STAB2: variants seen among roughly 807,000 people sequenced by gnomAD.
The protein encoded by STAB2 is stabilin 2.
A neutral mutation model predicts 338.1 loss-of-function variants in STAB2; 288 were observed. The observed-to-expected ratio is 0.85, with a 90% CI of 0.77 to 0.94. The LOEUF (loss-of-function observed/expected upper bound fraction) is 0.94, where lower values mean the gene tolerates loss of function less well. STAB2 is among the 40% of genes least tolerant of loss of function. The probability of loss-of-function intolerance (pLI) is 0.00; values close to 1 mark genes in which losing one functional copy is unlikely to be tolerated. For missense variants in STAB2, 3,141 were observed against 3,210.1 expected (o/e 0.98, Z 0.52); for synonymous variants, 1,202 against 1,193.3 (o/e 1.01, Z -0.15).
chr12:103,625,708 A>G (rs566187367), intron 5 of STAB2, among the ~76,000 whole-genome samples: 2 of 152,354 alleles, frequency 1.3e-5, no homozygotes, highest in Admixed American at 6.5e-5. Flanking sequence ...TTATGGCTGC[A>G]TAGTATTCCA....
intron 63 of STAB2, among the ~76,000 whole-genome samples, chr12:103,756,581 C>CA (rs1884117388): frequency 6.6e-6 from 1 of 152,230 alleles, no homozygotes; most frequent in Non-Finnish European, 1.5e-5. Context: ...GCCAAGGACA[C>CA]AGCCTAACTC....
At chr12:103,748,925 A>C in intron 58 of STAB2, 38 bp from the exon 59 acceptor site, 1 of 1,585,946 alleles carries the variant, frequency 6.3e-7, no homozygotes, top group South Asian at 1.2e-5. Context: ...GTTCCACAGA[A>C]GGTGGTAAGT....
At chr12:103,736,079 T>G (rs1464507793) in intron 52 of STAB2, among the ~76,000 whole-genome samples, 2 of 152,318 alleles carry the variant, frequency 1.3e-5, no homozygotes, top group East Asian at 1.9e-4. Context: ...TAATTCCATA[T>G]GATGAATGGG....
At chr12:103,695,459 A>G in intron 31 of STAB2, 91 bp from the exon 32 acceptor site, 2 of 1,149,146 alleles carry the variant, frequency 1.7e-6, no homozygotes, top group South Asian at 2.8e-5. Context: ...AACTGTCTAA[A>G]GAGGTTAATG....
rs192270068 is a variant in STAB2, at chr12:103,660,424, C to T, written c.1788+40C>T. The stretch of plus-strand genomic sequence containing the variant: ...TCCTGCTGCTACTTTCTCTCTGCTT[C>T]CAAGATAGCTAACTTAGTCTTGAAT... On this transcript the variant is annotated intron_variant, in intron 16 of 68. Transcript: ENST00000388887. The T allele has an allele frequency of 1.2e-4, 194 of 1,604,568 alleles. No homozygotes were observed. In the Admixed American group the frequency reaches 1.6e-3, roughly 13 times the overall value.
intron 44 of STAB2, among the ~76,000 whole-genome samples, chr12:103,720,839 T>A (rs1880703949): frequency 6.6e-6 from 1 of 152,240 alleles, no homozygotes. Context: ...GCTAGTTCTG[T>A]GTCTGCTGCA....
At position 103,652,685 on chromosome 12, in the gene STAB2, G is replaced by T. The variant is rs1053691290; in HGVS notation, c.1387G>T (p.Glu463Ter). Residue 463 changes from glutamate to a stop codon, truncating the protein, a stop_gained, in exon 12 of 69, where the codon GAA becomes TAA. Coordinates refer to ENST00000388887, the MANE Select transcript of STAB2 (RefSeq NM_017564.10). LOFTEE classifies it high-confidence loss of function. ...MFYTLTGKSGEIFNSDKDNQI... is the reference protein window; with the variant it reads ...MFYTLTGKSG ...CTACACCTTGACTGGAAAGTCGGGG[G>T]AAATCTTCAACAGCGATAAGGTAAG... The T allele has an allele frequency of 1.9e-6, 3 of 1,600,380 alleles. No individual in the cohort carries two copies. Among genetic ancestry groups the T allele is most frequent in the East Asian group, 2.3e-5 (1 of 44,366 alleles).
At chr12:103,620,894 C>T (rs528734544) in intron 4 of STAB2, among the ~76,000 whole-genome samples, 13 of 152,186 alleles carry the variant, frequency 8.5e-5, no homozygotes, top group African/African-American at 2.9e-4. Flanking sequence ...GTCAGGAGAT[C>T]GAGACCATCC....
At chr12:103,639,704 C>CAAAAAAAAAAAAAAAAAAAA (rs11449305) in intron 8 of STAB2, among the ~76,000 whole-genome samples, 1 of 92,286 alleles carries the variant, frequency 1.1e-5, no homozygotes, top group Non-Finnish European at 2.0e-5. Flanking sequence ...GACCCTGTCT[C>CAAAAAAAAAAAAAAAAAAAA]AAAAAAAAAA....
At chr12:103,671,471 C>T (rs914293016) in intron 22 of STAB2, among the ~76,000 whole-genome samples, 2 of 152,100 alleles carry the variant, frequency 1.3e-5, no homozygotes, top group African/African-American at 4.8e-5. Context: ...ATCAGATTCA[C>T]TCCCTACCTT....
intron 33 of STAB2, 39 bp downstream of exon 33, chr12:103,695,883 G>GA: frequency 6.3e-7 from 1 of 1,592,594 alleles, no homozygotes; most frequent in Non-Finnish European, 8.6e-7. Context: ...GTTATTTTGT[G>GA]AAAATTCAAA....
chr12:103,651,462 T>C (rs558434929), intron 11 of STAB2, among the ~76,000 whole-genome samples: 123 of 150,082 alleles, frequency 8.2e-4, no homozygotes, highest in African/African-American at 2.8e-3. Flanking sequence ...TACAGGCACA[T>C]GCTACCATGC....
intron 50 of STAB2, among the ~76,000 whole-genome samples, chr12:103,732,290 C>T (rs1458147018): frequency 6.6e-6 from 1 of 152,134 alleles, no homozygotes; most frequent in Non-Finnish European, 1.5e-5. Context: ...GCCGGGGTGA[C>T]AGAGTGAGAC....
At chr12:103,636,770 T>G (rs1314343145) in intron 6 of STAB2, among the ~76,000 whole-genome samples, 3 of 152,154 alleles carry the variant, frequency 2.0e-5, no homozygotes, top group Non-Finnish European at 4.4e-5. Flanking sequence ...ACACCTACCT[T>G]TTGAAATACT....
chr12:103,762,920 C>CG (rs1009085568), intron 67 of STAB2, among the ~76,000 whole-genome samples: 4 of 152,160 alleles, frequency 2.6e-5, no homozygotes, highest in Non-Finnish European at 5.9e-5. Context: ...AGAATATGGC[C>CG]GGGGCAGCAG....
chr12:103,597,101 C>T (rs1036271653), intron 3 of STAB2, among the ~76,000 whole-genome samples: 67 of 152,006 alleles, frequency 4.4e-4, no homozygotes, highest in African/African-American at 1.1e-3. Flanking sequence ...TGGGGCAAAA[C>T]GGTACTCCTC....
intron 39 of STAB2, 24 bp from the exon 40 acceptor site, chr12:103,711,447 A>G (rs1363302059): frequency 6.2e-7 from 1 of 1,614,062 alleles, no homozygotes. Flanking sequence ...GAGGGCTAAG[A>G]CAGCAACTGG....
At chr12:103,730,081 G>T in intron 48 of STAB2, 35 bp from the exon 49 acceptor site, 1 of 1,548,788 alleles carries the variant, frequency 6.5e-7, no homozygotes, top group Non-Finnish European at 8.7e-7. Context: ...ATTTCACTTT[G>T]CACTCATTTC....
chr12:103,694,907 T>C (rs1878265442), intron 31 of STAB2, among the ~76,000 whole-genome samples: 1 of 151,944 alleles, frequency 6.6e-6, no homozygotes, highest in Non-Finnish European at 1.5e-5. Flanking sequence ...ATGTCCCAAG[T>C]AGAAGACATT....
Sources: gnomAD v4.1 joint callset for allele counts (sites outside exome capture counted in the v4.1 genomes callset) on GRCh38, gnomAD v4.1.1 for gene constraint, MANE v1.5 for transcripts, NCBI Gene and HGNC (gene_info 2026-07-23, HGNC 2026-07-21) for gene names.